Variants in COBL observed in about 807,000 individuals in gnomAD.
COBL encodes protein cordon-bleu.
In COBL, 51 loss-of-function variants were observed where a neutral mutation model predicts 98.8. That is an observed-to-expected ratio of 0.52 (90% CI 0.41 to 0.65). COBL has a LOEUF of 0.65. COBL is among the 30% of genes least tolerant of loss of function. The pLI is 0.00. For missense variants in COBL, 1,617 were observed against 1,617.5 expected (o/e 1.00, Z 0.01); for synonymous variants, 634 against 651.7 (o/e 0.97, Z 0.41).
At chr7:51,224,228 C>T (rs147507766) in intron 1 of COBL, among the ~76,000 whole-genome samples, 4 of 152,282 alleles carry the variant, frequency 2.6e-5, no homozygotes, top group Non-Finnish European at 4.4e-5. Flanking sequence ...TCTCAGAGTG[C>T]GCCCCTATCA....
intron 1 of COBL, among the ~76,000 whole-genome samples, chr7:51,254,762 A>G (rs1797048241): frequency 6.6e-6 from 1 of 152,212 alleles, no homozygotes; most frequent in African/African-American, 2.4e-5. Context: ...CACAGCCACC[A>G]TCTGACCTCA....
At chr7:51,056,746 T>A (rs980011605) in intron 7 of COBL, among the ~76,000 whole-genome samples, 8 of 151,518 alleles carry the variant, frequency 5.3e-5, no homozygotes, top group African/African-American at 1.9e-4. Context: ...AATGCTAACA[T>A]ACCATTAAAA....
chr7:51,305,402 A>G (rs1802364946), intron 1 of COBL, among the ~76,000 whole-genome samples: 1 of 152,138 alleles, frequency 6.6e-6, no homozygotes, highest in Non-Finnish European at 1.5e-5. Context: ...TTTCTAACAT[A>G]TAATTTTCCT....
intron 5 of COBL, among the ~76,000 whole-genome samples, chr7:51,158,227 T>C (rs1786388260): frequency 6.6e-6 from 1 of 152,262 alleles, no homozygotes; most frequent in Admixed American, 6.5e-5. Flanking sequence ...ATGTATTTTC[T>C]ATTTGTTTAT....
At chr7:51,196,366 C>A (rs940935303) in intron 2 of COBL, among the ~76,000 whole-genome samples, 3 of 152,000 alleles carry the variant, frequency 2.0e-5, no homozygotes, top group Non-Finnish European at 4.4e-5. Flanking sequence ...TCGTGGTGGA[C>A]AAGATTTTTG....
chr7:51,102,826 G>C (rs547109209), intron 6 of COBL, among the ~76,000 whole-genome samples: 1 of 152,266 alleles, frequency 6.6e-6, no homozygotes, highest in East Asian at 1.9e-4. Flanking sequence ...CACAAGCGAA[G>C]GAAAACCAGG....
chr7:51,077,579 G>A (rs993277858), intron 7 of COBL, among the ~76,000 whole-genome samples: 8 of 152,224 alleles, frequency 5.3e-5, no homozygotes, highest in East Asian at 1.9e-4. Flanking sequence ...TTTGTCCACT[G>A]TAAACTAACT....
rs1180281322 is a variant in COBL at position 51,029,576 on chromosome 7, T to C, written c.1520A>G (p.Tyr507Cys). ...DEDLEEMEDS[Y>C]ETDTSSLTSS... Reference sequence around the variant, plus strand: ...GGTGAGGGAGCTGGTGTCTGTTTCATAGCTGTCTTCCATTTCTGCAAAGAG... The same window carrying C: ...GGTGAGGGAGCTGGTGTCTGTTTCACAGCTGTCTTCCATTTCTGCAAAGAG... The change falls in exon 10 of 13, where the codon TAT (tyrosine) becomes TGT (cysteine). Residue 507 changes from tyrosine (Y) to cysteine (C), a missense_variant. By Grantham distance (194) the Tyr-to-Cys change is radical. Coordinates refer to ENST00000265136, the MANE Select transcript of COBL (RefSeq NM_015198.5). 2 of 1,593,136 alleles carry C rather than the reference T, an allele frequency of 1.3e-6. No individual in the cohort carries two copies. Among genetic ancestry groups the C allele is most frequent in the South Asian group, 1.1e-5 (1 of 89,636 alleles).
intron 12 of COBL, chr7:51,022,756 G>A (rs886406453): frequency 6.6e-6 from 1 of 152,198 alleles, no homozygotes; most frequent in Admixed American, 6.5e-5. Context: ...ACAGAAACCA[G>A]TCACTGAGAT....
chr7:51,146,966 T>A (rs992937895), intron 5 of COBL, among the ~76,000 whole-genome samples: 3 of 152,182 alleles, frequency 2.0e-5, no homozygotes, highest in Non-Finnish European at 2.9e-5. Context: ...CTCCCCACCT[T>A]GGGCATGGTG....
chr7:51,022,578 T>A (rs978857314), intron 12 of COBL: 1 of 152,186 alleles, frequency 6.6e-6, no homozygotes, highest in Non-Finnish European at 1.5e-5. Context: ...AAAACTTATT[T>A]TTTTTTTCCT....
intron 7 of COBL, among the ~76,000 whole-genome samples, chr7:51,049,644 T>G (rs2128895444): frequency 6.6e-6 from 1 of 152,262 alleles, no homozygotes; most frequent in South Asian, 2.1e-4. Flanking sequence ...CACAGGAAAG[T>G]GACCATTGGA....
intron 5 of COBL, among the ~76,000 whole-genome samples, chr7:51,158,938 G>C (rs1392953278): frequency 6.6e-6 from 1 of 152,074 alleles, no homozygotes; most frequent in Non-Finnish European, 1.5e-5. Flanking sequence ...GGGGGTGCAG[G>C]GGCTGTGTGG....
rs71021769 is a variant in COBL at position 51,315,259 on chromosome 7, C to CA, written c.41+1333dup. Among the ~76,000 whole-genome samples, 1,288 of 137,490 alleles carry CA rather than the reference C, an allele frequency of 9.4e-3. 17 individuals carry two copies. Among genetic ancestry groups the CA allele is most frequent in the African/African-American group, 0.019 (692 of 36,416 alleles). 90.2% of individuals were successfully genotyped at this position (137,490 alleles called of 152,430 possible). ...TATATAACCACCAGTAAGTGCACTG[C>CA]AAAAAAAAAAAAAGAGAGAGAGAAA... On this transcript the variant is annotated intron_variant, in intron 1 of 12. Transcript: ENST00000265136.
intron 1 of COBL, among the ~76,000 whole-genome samples, chr7:51,229,231 T>C (rs184405560): frequency 1.3e-5 from 2 of 152,328 alleles, no homozygotes; most frequent in East Asian, 3.9e-4. Context: ...GCTAGTGACT[T>C]ATTCATAAAT....
At chr7:51,274,411 G>A (rs900922898) in intron 1 of COBL, among the ~76,000 whole-genome samples, 2 of 152,198 alleles carry the variant, frequency 1.3e-5, no homozygotes, top group Non-Finnish European at 2.9e-5. Context: ...TCATCTGTTT[G>A]TCTCATCAAC....
At chr7:51,054,988 T>C (rs1790596372) in intron 7 of COBL, among the ~76,000 whole-genome samples, 6 of 152,136 alleles carry the variant, frequency 3.9e-5, no homozygotes, top group Admixed American at 3.3e-4. Flanking sequence ...CCTGGAGAGT[T>C]GAGGGGACAG....
rs368690773 is a variant in COBL, at chr7:51,024,565, C to T, written c.3768+544G>A. ...CAGCACAAGACCAAAATGGAGAAGC[C>T]GGGGAAATCCAGAAAGTGCATGCTC... On this transcript the variant is annotated intron_variant, in intron 12 of 12. Transcript: ENST00000265136. Among the ~76,000 whole-genome samples the T allele has an allele frequency of 1.3e-3, 197 of 152,162 alleles. 1 individual carries two copies. In the South Asian group the frequency reaches 0.039, roughly 30 times the overall value.
Position 51,025,377 on chromosome 7 carries a change from C to T in COBL, c.3505-5G>A. 1 of 1,613,072 alleles carries T rather than the reference C, an allele frequency of 6.2e-7. No homozygotes were observed. The highest frequency in any genetic ancestry group is 1.1e-5 in the South Asian group (1 of 91,038). On this transcript the variant is annotated splice_polypyrimidine_tract_variant and splice_region_variant and intron_variant, in intron 11 of 12. Coordinates refer to ENST00000265136, the MANE Select transcript of COBL (RefSeq NM_015198.5). ...CTCAGAAGCAGAGGATGCCACCTGG[C>T]AATGAGATGATTAAATGACTGCTAT...
Sources: gnomAD v4.1 joint callset for allele counts (sites outside exome capture counted in the v4.1 genomes callset) on GRCh38, gnomAD v4.1.1 for gene constraint, MANE v1.5 for transcripts, NCBI Gene and HGNC (gene_info 2026-07-23, HGNC 2026-07-21) for gene names.